DCUN1D4: variants seen among roughly 807,000 people sequenced by gnomAD.
The protein encoded by DCUN1D4 is DCN1-like protein 4.
In DCUN1D4, 22 loss-of-function variants were observed where a neutral mutation model predicts 47.9. The ratio of observed to expected loss-of-function variants is 0.46; its 90% CI spans 0.33 to 0.66. The LOEUF is 0.66. DCUN1D4 is among the 30% of genes least tolerant of loss of function. DCUN1D4 has a pLI of 0.02. For synonymous variants in DCUN1D4, 121 were observed against 112.2 expected, an observed-to-expected ratio of 1.08 and a Z score of -0.50; for missense variants, 301 against 340.8, an observed-to-expected ratio of 0.88 and a Z score of 0.92.
At chr4:51,879,539 G>A (rs994256432) in intron 5 of DCUN1D4, among the ~76,000 whole-genome samples, 4 of 152,316 alleles carry the variant, frequency 2.6e-5, no homozygotes, top group South Asian at 2.1e-4. Flanking sequence ...CCTGGGAGGC[G>A]GAGGTTGCAG....
At chr4:51,888,967 G>A (rs1377873673) in intron 6 of DCUN1D4, among the ~76,000 whole-genome samples, 1 of 151,502 alleles carries the variant, frequency 6.6e-6, no homozygotes, top group African/African-American at 2.4e-5. Context: ...AAATTAGCCG[G>A]GCGTAGTGAT....
intron 2 of DCUN1D4, 23 bp downstream of exon 2, chr4:51,863,530 A>G (rs551295687): frequency 1.4e-5 from 23 of 1,599,922 alleles, no homozygotes; most frequent in African/African-American, 9.4e-5. Context: ...TTTAAAGACA[A>G]AATTACCAAC....
chr4:51,863,138 C>T (rs1431634567), intron 1 of DCUN1D4, among the ~76,000 whole-genome samples: 1 of 152,168 alleles, frequency 6.6e-6, no homozygotes, highest in Non-Finnish European at 1.5e-5. Flanking sequence ...TCATTTGAGA[C>T]TTATCTTTCT....
At chr4:51,850,563 G>T (rs1723220036) in intron 1 of DCUN1D4, among the ~76,000 whole-genome samples, 1 of 152,214 alleles carries the variant, frequency 6.6e-6, no homozygotes, top group Non-Finnish European at 1.5e-5. Flanking sequence ...CCTGTTGAAG[G>T]CTGTTCAGTC....
At chr4:51,870,247 A>G (rs1726665872) in intron 3 of DCUN1D4, among the ~76,000 whole-genome samples, 1 of 152,174 alleles carries the variant, frequency 6.6e-6, no homozygotes, top group African/African-American at 2.4e-5. Context: ...AACTCATACA[A>G]GTTGTAAGTC....
At chr4:51,836,079 A>G in the DCUN1D4 span, among the ~76,000 whole-genome samples, 1 of 152,300 alleles carries the variant, frequency 6.6e-6, no homozygotes, top group East Asian at 1.9e-4. Context: ...GAGGAAAGCT[A>G]ACAGAGTGGA....
At position 51,886,568 on chromosome 4, in the gene DCUN1D4, G is replaced by T; in HGVS notation, c.344G>T (p.Gly115Val). The T allele has an allele frequency of 1.2e-6, 2 of 1,613,668 alleles. No individual in the cohort carries two copies. Among genetic ancestry groups the T allele is most frequent in the Non-Finnish European group, 1.7e-6 (2 of 1,179,770 alleles). Residue 115 changes from glycine (G) to valine (V), a missense_variant and splice_region_variant, in exon 6 of 11, where the codon GGA (glycine) becomes GTA (valine). By Grantham distance (109) the Gly-to-Val change is moderately radical. Around this residue, in one of 2 missense-constraint regions of DCUN1D4, gnomAD observed 170 missense variants for 234.5 expected, o/e 0.73. Transcript: ENST00000334635. ...RCLEWFYEYA[G>V]TDDVVGPEGM... The stretch of plus-strand genomic sequence containing the variant: ...ATTTACATAAGACTGTATTTCACAG[G>T]AACTGATGATGTTGTAGGCCCTGAA...
At chr4:51,846,941 T>C (rs545865881) in intron 1 of DCUN1D4, among the ~76,000 whole-genome samples, 1 of 152,320 alleles carries the variant, frequency 6.6e-6, no homozygotes, top group African/African-American at 2.4e-5. Flanking sequence ...GGAAGGTGCA[T>C]ATTTCCTTAT....
rs751137719 is a variant in DCUN1D4 at position 51,913,330 on chromosome 4, A to G, written c.761A>G (p.Asn254Ser). 2.9e-5 allele frequency: 46 copies of G among 1,612,252 alleles called. No individual in the cohort carries two copies. The highest frequency in any genetic ancestry group is 5.0e-5 in the Admixed American group (3 of 59,886). The part of the protein sequence containing the change: ...YKVINKDQWC[N>S]VLEFSRTINL... ...GTTATTAATAAAGACCAGTGGTGCA[A>G]TGTCCTAGAGTTTAGCAGAACAATT... Residue 254 changes from asparagine (N) to serine (S), a missense_variant, in exon 10 of 11, where the codon AAT becomes AGT. Asn to Ser is a conservative substitution (Grantham distance 46). Transcript: ENST00000334635.
chr4:51,897,883 A>T (rs1004772425), intron 7 of DCUN1D4, among the ~76,000 whole-genome samples: 3 of 152,214 alleles, frequency 2.0e-5, no homozygotes. Context: ...AGACGCAAAA[A>T]ATCCTAAGTC....
rs142484662 is a variant in DCUN1D4 at position 51,886,868 on chromosome 4, A to G, written c.414+230A>G. The stretch of plus-strand genomic sequence containing the variant: ...TTCTCTCATTTAATTTCTTGTATGT[A>G]AAAGGTACAGTAAGCCAGATGCTTA... On this transcript the variant is annotated intron_variant, in intron 6 of 10. Transcript: ENST00000334635. 571 of 499,982 alleles carry G rather than the reference A, an allele frequency of 1.1e-3. 2 individuals are homozygous for G. The highest frequency in any genetic ancestry group is 0.01 in the African/African-American group (531 of 51,320). The allele number at this position is 499,982 out of a possible 1,614,324, so 31.0% of individuals were successfully genotyped here. A position where few individuals can be genotyped will look rare whatever the true frequency, so the allele number is the denominator to read the frequency against.
chr4:51,911,351 T>C, intron 9 of DCUN1D4, among the ~76,000 whole-genome samples, 177 bp downstream of exon 9: 1 of 152,222 alleles, frequency 6.6e-6, no homozygotes, highest in Non-Finnish European at 1.5e-5. Flanking sequence ...CATCTGTGTA[T>C]GCGTTTAATG....
intron 1 of DCUN1D4, among the ~76,000 whole-genome samples, chr4:51,850,338 T>C (rs1723181585): frequency 6.6e-6 from 1 of 152,200 alleles, no homozygotes; most frequent in South Asian, 2.1e-4. Flanking sequence ...GTGGATGGCT[T>C]TTCTGGCTTC....
At chr4:51,877,182 A>T (rs1727843663) in intron 4 of DCUN1D4, among the ~76,000 whole-genome samples, 1 of 152,316 alleles carries the variant, frequency 6.6e-6, no homozygotes, top group African/African-American at 2.4e-5. Context: ...CTGTCTCCTG[A>T]GGTTTCTAAG....
chr4:51,897,477 A>T (rs529175764), intron 7 of DCUN1D4, among the ~76,000 whole-genome samples: 7 of 152,328 alleles, frequency 4.6e-5, no homozygotes, highest in African/African-American at 1.7e-4. Flanking sequence ...TATAGAGAAA[A>T]TACGTATTCA....
chr4:51,870,764 G>A (rs1726765136), intron 3 of DCUN1D4, among the ~76,000 whole-genome samples: 1 of 152,186 alleles, frequency 6.6e-6, no homozygotes, highest in Non-Finnish European at 1.5e-5. Flanking sequence ...TGGGGGAGCA[G>A]GTTTGGGGTA....
intron 8 of DCUN1D4, among the ~76,000 whole-genome samples, chr4:51,899,896 A>G (rs1341950415): frequency 6.6e-6 from 1 of 152,248 alleles, no homozygotes; most frequent in Non-Finnish European, 1.5e-5. Context: ...TATTTGTCAC[A>G]TAGTGAGTCA....
intron 8 of DCUN1D4, 129 bp from the exon 9 acceptor site, chr4:51,910,941 C>CA (rs1733634710): frequency 1.2e-6 from 1 of 849,346 alleles, no homozygotes; most frequent in African/African-American, 1.7e-5. Context: ...AGTCTGGATG[C>CA]AGGGTCTTTA....
chr4:51,886,303 A>C (rs1437180672), intron 5 of DCUN1D4, among the ~76,000 whole-genome samples: 1 of 152,246 alleles, frequency 6.6e-6, no homozygotes. Flanking sequence ...CAGGAATTGA[A>C]TTCAGCCTTA....
Sources: allele counts gnomAD v4.1 joint callset (sites outside exome capture counted in the v4.1 genomes callset), GRCh38; gene constraint gnomAD v4.1.1; regional missense constraint gnomAD v4.1.1; transcripts MANE v1.5; gene names NCBI Gene and HGNC (gene_info 2026-07-23, HGNC 2026-07-21).